The following ZNF224 variants were observed in gnomAD, a reference collection of about 807,000 sequenced individuals.
ZNF224 encodes the protein zinc finger protein 224, also known as bone marrow zinc finger 2.
In ZNF224, 8 loss-of-function variants were observed where a neutral mutation model predicts 10.5. The observed-to-expected ratio is 0.76, with a 90% CI of 0.45 to 1.37. The LOEUF (loss-of-function observed/expected upper bound fraction) is 1.37, where lower values mean the gene tolerates loss of function less well. ZNF224 is among the 40% of genes most tolerant of loss of function. The pLI is 0.00. For missense variants in ZNF224, 754 were observed against 854.0 expected, an observed-to-expected ratio of 0.88 and a Z score of 1.46; for synonymous variants, 282 against 287.8, an observed-to-expected ratio of 0.98 and a Z score of 0.20.
chr19:44,099,590 C>T (rs1430824705), intron 3 of ZNF224, among the ~76,000 whole-genome samples: 1 of 152,070 alleles, frequency 6.6e-6, no homozygotes, highest in Non-Finnish European at 1.5e-5. Flanking sequence ...CTGTGACTCA[C>T]ACCTATAATC....
In ZNF224 at chr19:44,106,964, C is replaced by G. The variant is rs754939569; in HGVS notation, c.804C>G (p.Ala268=). The change falls in exon 6 of 6, where the codon GCC becomes GCG. Residue 268 remains alanine (A), a synonymous_variant. Transcript: ENST00000693561. ...KPYNCEECGK[A]FIHDSQLQEH... ...ATAATTGTGAGGAATGCGGGAAGGC[C>G]TTCATTCACGATTCCCAGCTTCAAG... The G allele has an allele frequency of 6.2e-7, 1 of 1,610,688 alleles. No homozygotes were observed. The highest frequency in any genetic ancestry group is 8.5e-7 in the Non-Finnish European group (1 of 1,177,962).
intron 1 of ZNF224, chr19:44,095,909 C>A (rs1280738249): frequency 7.8e-6 from 1 of 127,738 alleles, no homozygotes; most frequent in African/African-American, 3.0e-5. Flanking sequence ...GGCGACAGTG[C>A]GAGACTCCGT....
Position 44,107,765 on chromosome 19 carries a change from A to G in ZNF224, c.1605A>G (p.Thr535=). 1.2e-6 allele frequency: 2 copies of G among 1,613,704 alleles called. No individual in the cohort carries two copies. The highest frequency in any genetic ancestry group is 1.7e-6 in the Non-Finnish European group (2 of 1,179,926). Residue 535 remains threonine, a synonymous_variant, in exon 6 of 6, where the codon ACA becomes ACG. Coordinates refer to ENST00000693561, the MANE Select transcript of ZNF224 (RefSeq NM_001321645.3). ...FNLDMHQKVH[T]GERPYNCKEC... ...TTGATATGCACCAGAAGGTCCACACAGGAGAGAGACCATACAATTGTAAGG... is the reference window on the plus strand; with the variant it reads ...TTGATATGCACCAGAAGGTCCACACGGGAGAGAGACCATACAATTGTAAGG...
chr19:44,105,645 T>C (rs1967641022), intron 5 of ZNF224: 1 of 152,238 alleles, frequency 6.6e-6, no homozygotes, highest in African/African-American at 2.4e-5. Context: ...ACCCAACTTG[T>C]AGCTTTTTAT....
rs1420046027 is a variant in ZNF224, at chr19:44,107,240, T to C, written c.1080T>C (p.Tyr360=). 5 of 1,597,058 alleles carry C rather than the reference T, an allele frequency of 3.1e-6. No homozygotes were observed. Among genetic ancestry groups the C allele is most frequent in the African/African-American group, 2.7e-5 (2 of 74,472 alleles). ...GCTTTATTTGTAGGCGAGATCTTTA[T>C]ACGCATCATATGGTCCACACGGGAG... ...GKGFICRRDL[Y]THHMVHTGEK... Residue 360 remains tyrosine (Y), a synonymous_variant, in exon 6 of 6, where the codon TAT becomes TAC. Transcript: ENST00000693561.
At chr19:44,106,145 G>A (rs1031898938) in intron 5 of ZNF224, 24 of 500,384 alleles carry the variant, frequency 4.8e-5, no homozygotes, top group African/African-American at 1.4e-4. Context: ...GTGTATAAGC[G>A]TTTCTTCTCA....
At chr19:44,102,760 A>G (rs1967575221) in intron 5 of ZNF224, among the ~76,000 whole-genome samples, 1 of 152,218 alleles carries the variant, frequency 6.6e-6, no homozygotes, top group South Asian at 2.1e-4. Context: ...CTGGAAAGAA[A>G]TCATTTTTGA....
chr19:44,106,974 G>C lies in ZNF224; in HGVS notation c.814G>C (p.Asp272His). 2 of 1,610,226 alleles carry C rather than the reference G, an allele frequency of 1.2e-6. No individual in the cohort carries two copies. Among genetic ancestry groups the C allele is most frequent in the Non-Finnish European group, 1.7e-6 (2 of 1,177,908 alleles). ...GGAATGCGGGAAGGCCTTCATTCAC[G>C]ATTCCCAGCTTCAAGAACATCAGAG... ...CEECGKAFIH[D>H]SQLQEHQRIH... Residue 272 changes from aspartate to histidine, a missense_variant, in exon 6 of 6, where the codon GAT becomes CAT. Asp to His is a moderately conservative substitution (Grantham distance 81). Transcript: ENST00000693561.
rs769098171 is a variant in ZNF224, at chr19:44,108,246, C to T, written c.2086C>T (p.Arg696Ter). ...DMCFSQASSLRLHQNVHVGEK... is the reference protein window; with the variant it reads ...DMCFSQASSL ...GTGCTTTAGTCAGGCCTCAAGCCTT[C>T]GACTTCATCAGAATGTTCATGTTGG... The change falls in exon 6 of 6, where the codon CGA becomes TGA. Residue 696 changes from arginine (R) to a stop codon, truncating the protein, a stop_gained. Transcript: ENST00000693561. LOFTEE classifies it low-confidence loss of function (END_TRUNC). 1.1e-5 allele frequency: 17 copies of T among 1,612,668 alleles called. No homozygotes were observed. Among genetic ancestry groups the T allele is most frequent in the South Asian group, 9.9e-5 (9 of 90,868 alleles).
chr19:44,097,025 T>C, intron 2 of ZNF224: 1 of 205,576 alleles, frequency 4.9e-6, no homozygotes, highest in South Asian at 6.7e-5. Flanking sequence ...GTCTCTTCAT[T>C]GGTGATCTCA....
chr19:44,108,060 G>T lies in ZNF224; in HGVS notation c.1900G>T (p.Val634Leu). 1 of 1,611,976 alleles carries T rather than the reference G, an allele frequency of 6.2e-7. No individual in the cohort carries two copies. The highest frequency in any genetic ancestry group is 2.2e-5 in the East Asian group (1 of 44,752). The change falls in exon 6 of 6, where the codon GTA becomes TTA. Residue 634 changes from valine (V) to leucine (L), a missense_variant. Transcript: ENST00000693561. ...ATGTGAGCAGCATGGGAAGAACATT[G>T]TACAGAATTCATTCTCTAAAGTGCA... ...LKCEQHGKNI[V>L]QNSFSKVQEK...
At chr19:44,101,503 C>T (rs1331240831) in intron 5 of ZNF224, among the ~76,000 whole-genome samples, 1 of 152,150 alleles carries the variant, frequency 6.6e-6, no homozygotes, top group East Asian at 1.9e-4. Context: ...CTTTAATTGA[C>T]TTTTAGAGAC....
At position 44,100,905 on chromosome 19, in the gene ZNF224, C is replaced by T. The variant is rs762419892; in HGVS notation, c.120C>T (p.Asn40=). The T allele has an allele frequency of 2.5e-6, 4 of 1,614,066 alleles. No individual in the cohort carries two copies. Among genetic ancestry groups the T allele is most frequent in the Middle Eastern group, 1.6e-4 (1 of 6,062 alleles). The change falls in exon 4 of 6, where the codon AAC becomes AAT. Residue 40 remains asparagine, a synonymous_variant. Transcript: ENST00000693561. ...RKLYRDVMLE[N]FRNLLSVGHQ... ...TGTATCGAGATGTGATGCTGGAGAA[C>T]TTCAGGAACCTGCTCTCAGTGGGTG...
At position 44,107,104 on chromosome 19, in the gene ZNF224, C is replaced by T. The variant is rs926069776; in HGVS notation, c.944C>T (p.Pro315Leu). The T allele has an allele frequency of 6.2e-7, 1 of 1,603,122 alleles. No individual in the cohort carries two copies. Among genetic ancestry groups the T allele is most frequent in the African/African-American group, 1.3e-5 (1 of 74,622 alleles). ...RHSMVHTAEK[P>L]FRCDTCDKSF... is the part of the protein sequence containing the mutation. ...TCCATGGTTCACACGGCAGAGAAACCATTCCGATGTGATACGTGTGATAAG... is the reference window on the plus strand; with the variant it reads ...TCCATGGTTCACACGGCAGAGAAACTATTCCGATGTGATACGTGTGATAAG... Residue 315 changes from proline to leucine, a missense_variant, in exon 6 of 6, where the codon CCA (proline) becomes CTA (leucine). Transcript: ENST00000693561.
Position 44,107,276 on chromosome 19 carries a change from T to G in ZNF224, c.1116T>G (p.Tyr372Ter), listed in dbSNP as rs1486327383. 6.3e-7 allele frequency: 1 copy of G among 1,582,226 alleles called. No homozygotes were observed. ...TGGTCCACACGGGAGAAAAGCCATA[T>G]AATTGTAAAGAGTGTGGGAAGAGCT... ...HHMVHTGEKP[Y>*]NCKECGKSFR... Residue 372 changes from tyrosine to a stop codon, truncating the protein, a stop_gained, in exon 6 of 6, where the codon TAT becomes TAG. Transcript: ENST00000693561. LOFTEE classifies it low-confidence loss of function (END_TRUNC).
intron 5 of ZNF224, 63 bp downstream of exon 5, chr19:44,101,288 C>A: frequency 6.5e-7 from 1 of 1,535,156 alleles, no homozygotes; most frequent in South Asian, 1.1e-5. Context: ...TCTGTCCATG[C>A]TCAAATCCAT....
In ZNF224 at chr19:44,108,439, C is replaced by T; in HGVS notation, c.*155C>T. The T allele has an allele frequency of 1.2e-6, 1 of 835,610 alleles. No individual in the cohort carries two copies. Among genetic ancestry groups the T allele is most frequent in the Non-Finnish European group, 1.8e-6 (1 of 552,784 alleles). The allele number at this position is 835,610 out of a possible 1,614,324, so 51.8% of individuals were successfully genotyped here. A position where few individuals can be genotyped will look rare whatever the true frequency, so the allele number is the denominator to read the frequency against. ...GAATCCATGCTGGTGATAAATTTCACCCATTCTTGGAAGAGGGAAAACATT... is the reference window on the plus strand; with the variant it reads ...GAATCCATGCTGGTGATAAATTTCATCCATTCTTGGAAGAGGGAAAACATT... On this transcript the variant is annotated 3_prime_UTR_variant, in exon 6 of 6. Coordinates refer to ENST00000693561, the MANE Select transcript of ZNF224 (RefSeq NM_001321645.3).
chr19:44,106,739 T>G lies in ZNF224; in HGVS notation c.579T>G (p.Ile193Met). ...KNFCYISALR[I>M]HQRVHMGEKC... ...TTTGTTACATCTCAGCCCTTCGTAT[T>G]CATCAGAGAGTCCACATGGGAGAGA... is the stretch of plus-strand genomic sequence containing the variant. Residue 193 changes from isoleucine to methionine, a missense_variant, in exon 6 of 6, where the codon ATT (isoleucine) becomes ATG (methionine). Transcript: ENST00000693561. 6.2e-7 allele frequency: 1 copy of G among 1,611,460 alleles called. No homozygotes were observed. Among genetic ancestry groups the G allele is most frequent in the South Asian group, 1.1e-5 (1 of 90,784 alleles).
chr19:44,101,190 T>A lies in ZNF224; in HGVS notation c.200T>A (p.Met67Lys), dbSNP rs779651630. 16 of 1,614,016 alleles carry A rather than the reference T, an allele frequency of 9.9e-6. No individual in the cohort carries two copies. The highest frequency in any genetic ancestry group is 3.3e-5 in the South Asian group (3 of 91,084). Residue 67 changes from methionine to lysine, a missense_variant, in exon 5 of 6, where the codon ATG (methionine) becomes AAG (lysine). By Grantham distance (95) the Met-to-Lys change is moderately conservative. Transcript: ENST00000693561. ...FHFLREEKIW[M>K]MKTAIQREGN... ...TTCCTAAGGGAAGAAAAGATTTGGA[T>A]GATGAAGACAGCAATCCAAAGGGAA...
Sources: allele counts gnomAD v4.1 joint callset (sites outside exome capture counted in the v4.1 genomes callset), GRCh38; gene constraint gnomAD v4.1.1; transcripts MANE v1.5; gene names NCBI Gene and HGNC (gene_info 2026-07-23, HGNC 2026-07-21).